CNTLN: variants seen among roughly 807,000 people sequenced by gnomAD.
CNTLN encodes centlein, also known as centlein, centrosomal protein.
A neutral mutation model predicts 180.0 loss-of-function variants in CNTLN; 212 were observed. That is an observed-to-expected ratio of 1.18 (90% CI 1.05 to 1.32). The LOEUF is 1.32. CNTLN is among the 40% of genes most tolerant of loss of function. The pLI is 0.00. For missense variants in CNTLN, 2,095 were observed against 1,610.9 expected (o/e 1.30, Z -5.14); for synonymous variants, 722 against 563.1 (o/e 1.28, Z -3.99).
chr9:17,482,634 G>GAACA (rs1326519348), intron 23 of CNTLN, among the ~76,000 whole-genome samples: 5 of 152,106 alleles, frequency 3.3e-5, no homozygotes, highest in African/African-American at 1.2e-4. Flanking sequence ...AAACAAGCAA[G>GAACA]AACAGCAAGA....
chr9:17,359,688 T>A (rs1823145068), intron 12 of CNTLN, among the ~76,000 whole-genome samples: 1 of 132,304 alleles, frequency 7.6e-6, no homozygotes, highest in Non-Finnish European at 1.6e-5. Context: ...AAAACCATCC[T>A]GGCTAACACG....
intron 6 of CNTLN, among the ~76,000 whole-genome samples, chr9:17,276,835 AT>A (rs1456057618): frequency 6.6e-6 from 1 of 151,924 alleles, no homozygotes; most frequent in Non-Finnish European, 1.5e-5. Context: ...GTTATACTGT[AT>A]TTTTTGTTTG....
At chr9:17,322,084 T>A (rs1819953410) in intron 8 of CNTLN, among the ~76,000 whole-genome samples, 1 of 152,132 alleles carries the variant, frequency 6.6e-6, no homozygotes, top group South Asian at 2.1e-4. Flanking sequence ...TGCCTTGTAA[T>A]TTGTTGCTTG....
chr9:17,222,013 T>C (rs574484006), intron 2 of CNTLN, among the ~76,000 whole-genome samples: 3 of 152,174 alleles, frequency 2.0e-5, no homozygotes, highest in African/African-American at 7.2e-5. Flanking sequence ...GATTCAAAGA[T>C]GTTGGACTGC....
chr9:17,192,861 C>T (rs1462254649), intron 2 of CNTLN, among the ~76,000 whole-genome samples: 3 of 152,056 alleles, frequency 2.0e-5, no homozygotes, highest in South Asian at 4.1e-4. Flanking sequence ...TTTGTTTTCA[C>T]GCTGCTGATA....
intron 12 of CNTLN, among the ~76,000 whole-genome samples, chr9:17,347,483 A>C (rs1319260517): frequency 6.6e-6 from 1 of 152,108 alleles, no homozygotes; most frequent in Admixed American, 6.5e-5. Flanking sequence ...AGCCTGGACA[A>C]CATGGTGAAA....
chr9:17,330,967 G>C (rs562715116), intron 9 of CNTLN, among the ~76,000 whole-genome samples, 159 bp downstream of exon 9: 1 of 152,052 alleles, frequency 6.6e-6, no homozygotes, highest in South Asian at 2.1e-4. Context: ...AGTTTTAGGA[G>C]TAAGGAGTTT....
intron 6 of CNTLN, among the ~76,000 whole-genome samples, chr9:17,277,633 A>T (rs1200837904): frequency 6.6e-6 from 1 of 152,100 alleles, no homozygotes; most frequent in Non-Finnish European, 1.5e-5. Context: ...TCACGTAGAG[A>T]ACCCAAAATA....
At chr9:17,492,454 A>T (rs1310854542) in intron 25 of CNTLN, among the ~76,000 whole-genome samples, 1 of 152,108 alleles carries the variant, frequency 6.6e-6, no homozygotes, top group East Asian at 1.9e-4. Flanking sequence ...TGCTGTATCT[A>T]TTTGAAGTTA....
chr9:17,153,595 T>C lies in CNTLN; in HGVS notation c.449+10219T>C, dbSNP rs151039944. 5.8e-3 allele frequency among the ~76,000 whole-genome samples: 886 copies of C among 152,318 alleles called. 56 individuals carry two copies. The East Asian group carries it at 0.14, about 25-fold the overall frequency. On this transcript the variant is annotated intron_variant, in intron 2 of 25. Transcript: ENST00000380647. ...TCTTACTGCCCTTAACATTTTTTCTTTCATTTCAACCTTGGTGAATCTGAT... is the reference window on the plus strand; with the variant it reads ...TCTTACTGCCCTTAACATTTTTTCTCTCATTTCAACCTTGGTGAATCTGAT...
rs552368417 is a variant in CNTLN, at chr9:17,346,598, T to C, written c.1886+4154T>C. 2.6e-5 allele frequency among the ~76,000 whole-genome samples: 4 copies of C among 152,362 alleles called. No homozygotes were observed. The South Asian group carries it at 8.3e-4, about 32-fold the overall frequency. ...TTCTGATGCAACATGCACTGTTGAA[T>C]CTTTGTTCCACAATAGGTAATGCAT... is the stretch of plus-strand genomic sequence containing the variant. On this transcript the variant is annotated intron_variant, in intron 12 of 25. Coordinates refer to ENST00000380647, the MANE Select transcript of CNTLN (RefSeq NM_017738.4).
intron 5 of CNTLN, among the ~76,000 whole-genome samples, chr9:17,247,272 C>T (rs931202699): frequency 6.6e-6 from 1 of 152,120 alleles, no homozygotes; most frequent in Non-Finnish European, 1.5e-5. Flanking sequence ...CACCTTAGCT[C>T]ATTGTGACAG....
intron 7 of CNTLN, chr9:17,300,926 C>A: frequency 8.3e-6 from 8 of 962,174 alleles, no homozygotes; most frequent in Non-Finnish European, 8.7e-6. Flanking sequence ...TACCATTTTA[C>A]TTCCTTTATT....
chr9:17,382,538 A>T (rs917651645), intron 13 of CNTLN, among the ~76,000 whole-genome samples: 1 of 152,222 alleles, frequency 6.6e-6, no homozygotes, highest in Non-Finnish European at 1.5e-5. Flanking sequence ...TCTTGGAATG[A>T]TTAATATTAA....
At chr9:17,223,455 C>T (rs914342291) in intron 2 of CNTLN, among the ~76,000 whole-genome samples, 5 of 151,954 alleles carry the variant, frequency 3.3e-5, no homozygotes, top group Admixed American at 2.0e-4. Flanking sequence ...TCCTTGTGTC[C>T]GTCCACCAAA....
intron 5 of CNTLN, among the ~76,000 whole-genome samples, chr9:17,245,479 C>A (rs1400490230): frequency 7.1e-6 from 1 of 140,168 alleles, no homozygotes. Context: ...CTTTCTTTAT[C>A]CTTGGACTTT....
At chr9:17,374,182 A>G (rs889284925) in intron 13 of CNTLN, among the ~76,000 whole-genome samples, 4 of 152,298 alleles carry the variant, frequency 2.6e-5, no homozygotes, top group South Asian at 2.1e-4. Context: ...GAGACAAGCC[A>G]CAGAGTGGGA....
intron 15 of CNTLN, among the ~76,000 whole-genome samples, chr9:17,397,155 T>C (rs932225536): frequency 2.5e-4 from 38 of 152,084 alleles, no homozygotes; most frequent in African/African-American, 8.9e-4. Flanking sequence ...AATTCACTAA[T>C]ATACTTTTTA....
At chr9:17,281,458 C>G (rs1401040908) in intron 6 of CNTLN, among the ~76,000 whole-genome samples, 1 of 152,020 alleles carries the variant, frequency 6.6e-6, no homozygotes, top group Non-Finnish European at 1.5e-5. Context: ...CCACCCTCCC[C>G]ACTGACAGGC....
Sources: gnomAD v4.1 joint callset for allele counts (sites outside exome capture counted in the v4.1 genomes callset) on GRCh38, gnomAD v4.1.1 for gene constraint, MANE v1.5 for transcripts, NCBI Gene and HGNC (gene_info 2026-07-23, HGNC 2026-07-21) for gene names.